The following NCK1 variants were observed in gnomAD, a reference collection of about 807,000 sequenced individuals.
NCK1 encodes SH2/SH3 adapter protein NCK1.
NCK1 carries 19 observed loss-of-function variants against 36.6 expected under a neutral mutation model. The ratio of observed to expected loss-of-function variants is 0.52; its 90% CI spans 0.36 to 0.76. NCK1 has a LOEUF of 0.76. Among genes scored for constraint, NCK1 ranks in the 30% least tolerant of loss-of-function variants. The pLI is 0.00. For missense variants in NCK1, 358 were observed against 445.6 expected, an observed-to-expected ratio of 0.80 and a Z score of 1.77; for synonymous variants, 165 against 156.0, an observed-to-expected ratio of 1.06 and a Z score of -0.43.
intron 1 of NCK1, among the ~76,000 whole-genome samples, chr3:136,915,376 CA>C (rs1272727910): frequency 6.6e-6 from 1 of 152,076 alleles, no homozygotes; most frequent in African/African-American, 2.4e-5. Context: ...CACAGAAGCA[CA>C]AAGTATTGTA....
At chr3:136,877,197 A>G (rs905900865) in intron 1 of NCK1, among the ~76,000 whole-genome samples, 1 of 152,186 alleles carries the variant, frequency 6.6e-6, no homozygotes, top group Non-Finnish European at 1.5e-5. Flanking sequence ...CCTAATACCT[A>G]CAGAATGCAG....
At chr3:136,923,371 C>G (rs1327674840) in intron 1 of NCK1, among the ~76,000 whole-genome samples, 1 of 151,968 alleles carries the variant, frequency 6.6e-6, no homozygotes, top group African/African-American at 2.4e-5. Flanking sequence ...CTGGCTAACA[C>G]AGTGAAACCC....
intron 1 of NCK1, among the ~76,000 whole-genome samples, chr3:136,868,575 G>C (rs1938515625): frequency 6.6e-6 from 1 of 152,100 alleles, no homozygotes; most frequent in Admixed American, 6.5e-5. Flanking sequence ...TAATCAGCCT[G>C]CTTTGGCCTC....
intron 1 of NCK1, among the ~76,000 whole-genome samples, chr3:136,875,617 T>G (rs1349344620): frequency 2.0e-5 from 3 of 151,890 alleles, no homozygotes; most frequent in Non-Finnish European, 4.4e-5. Flanking sequence ...CCTAAATATA[T>G]ATGCACCCAA....
intron 1 of NCK1, among the ~76,000 whole-genome samples, chr3:136,910,033 C>T (rs1426529818): frequency 6.6e-6 from 1 of 152,106 alleles, no homozygotes; most frequent in East Asian, 1.9e-4. Context: ...TCTTGCCAAT[C>T]TCTGTCTTTT....
intron 1 of NCK1, among the ~76,000 whole-genome samples, chr3:136,890,038 C>T (rs1398301956): frequency 6.6e-6 from 1 of 152,160 alleles, no homozygotes; most frequent in African/African-American, 2.4e-5. Flanking sequence ...GGATTGGGCG[C>T]CCTGGAGCAG....
intron 1 of NCK1, among the ~76,000 whole-genome samples, chr3:136,907,908 C>T (rs1470898179): frequency 1.3e-5 from 2 of 152,192 alleles, no homozygotes; most frequent in East Asian, 1.9e-4. Flanking sequence ...GTCCCCAGAT[C>T]TTTTTGTACC....
chr3:136,933,709 TC>T (rs1176057673), intron 2 of NCK1, among the ~76,000 whole-genome samples: 2 of 78,870 alleles, frequency 2.5e-5, no homozygotes, highest in Non-Finnish European at 5.7e-5. Flanking sequence ...ATTTAAGTAA[TC>T]TTTTTTTTTT....
At chr3:136,871,569 C>T (rs12330283) in intron 1 of NCK1, among the ~76,000 whole-genome samples, 103,808 of 151,998 alleles carry the variant, frequency 0.68, 35,731 homozygotes, top group East Asian at 0.87. Flanking sequence ...GCGCCCCCTC[C>T]AATCAGTGTC....
intron 1 of NCK1, among the ~76,000 whole-genome samples, chr3:136,917,464 A>G (rs749400802): frequency 3.3e-5 from 5 of 152,188 alleles, no homozygotes; most frequent in Non-Finnish European, 7.3e-5. Flanking sequence ...TAACCTTCAC[A>G]ATCCTTTGGG....
intron 2 of NCK1, among the ~76,000 whole-genome samples, chr3:136,931,200 G>A (rs969786353): frequency 9.2e-5 from 14 of 152,112 alleles, no homozygotes; most frequent in African/African-American, 3.4e-4. Context: ...CTGTTATTGA[G>A]TTTGGGTCAT....
intron 1 of NCK1, among the ~76,000 whole-genome samples, chr3:136,871,791 G>A (rs1938625774): frequency 6.6e-6 from 1 of 152,184 alleles, no homozygotes; most frequent in Non-Finnish European, 1.5e-5. Context: ...TTCTCGTGCT[G>A]TTCTTGTGAT....
At chr3:136,869,949 T>C (rs1371812824) in intron 1 of NCK1, among the ~76,000 whole-genome samples, 2 of 152,196 alleles carry the variant, frequency 1.3e-5, no homozygotes, top group Admixed American at 6.5e-5. Context: ...TAATTTTTGC[T>C]TTTGTTCAAA....
intron 1 of NCK1, among the ~76,000 whole-genome samples, chr3:136,926,432 G>A (rs1200036857): frequency 2.6e-5 from 4 of 151,790 alleles, no homozygotes; most frequent in South Asian, 4.2e-4. Flanking sequence ...CCGCCACCAC[G>A]CCTGTCTAAT....
At chr3:136,927,519 T>C (rs1940272634) in intron 1 of NCK1, among the ~76,000 whole-genome samples, 1 of 152,108 alleles carries the variant, frequency 6.6e-6, no homozygotes, top group Non-Finnish European at 1.5e-5. Context: ...AGTCTCTTTA[T>C]TGATTGGTTG....
chr3:136,889,795 C>T (rs1237013166), intron 1 of NCK1, among the ~76,000 whole-genome samples: 1 of 152,186 alleles, frequency 6.6e-6, no homozygotes, highest in Non-Finnish European at 1.5e-5. Flanking sequence ...ATTCACAAAC[C>T]CTGAGCTAGA....
Position 136,867,096 on chromosome 3 carries a change from CTTT to C in NCK1, c.-19+4744_-19+4746del, listed in dbSNP as rs1560028390. Among the ~76,000 whole-genome samples the C allele has an allele frequency of 4.4e-3, 205 of 47,000 alleles. 4 individuals are homozygous for C. Among genetic ancestry groups the C allele is most frequent in the East Asian group, 0.011 (17 of 1,552 alleles). The allele number at this position is 47,000 out of a possible 152,430, so 30.8% of individuals were successfully genotyped here. A position where few individuals can be genotyped will look rare whatever the true frequency, so the allele number is the denominator to read the frequency against. Reference sequence around the variant, plus strand: ...TCTTTCTTTCTTTCTTTCTTTCTTTCTTTCTTTCTTTCTTTCTTTCTTTGTTTC... The same window carrying C: ...TCTTTCTTTCTTTCTTTCTTTCTTTCCTTTCTTTCTTTCTTTCTTTGTTTC... On this transcript the variant is annotated intron_variant, in intron 1 of 3. Transcript: ENST00000481752.
intron 2 of NCK1, chr3:136,930,512 A>T: frequency 7.1e-7 from 1 of 1,408,556 alleles, no homozygotes; most frequent in Non-Finnish European, 9.3e-7. Flanking sequence ...ACTGAGAATT[A>T]TCCTGAGCTG....
At chr3:136,901,509 G>T (rs964269857) in intron 1 of NCK1, among the ~76,000 whole-genome samples, 1 of 151,760 alleles carries the variant, frequency 6.6e-6, no homozygotes, top group Non-Finnish European at 1.5e-5. Context: ...ATCCAGTCCC[G>T]GACTTCTGTT....
Sources: gnomAD v4.1 joint callset for allele counts (sites outside exome capture counted in the v4.1 genomes callset) on GRCh38, gnomAD v4.1.1 for gene constraint, MANE v1.5 for transcripts, NCBI Gene and HGNC (gene_info 2026-07-23, HGNC 2026-07-21) for gene names.